ERAP1: variants seen among roughly 807,000 people sequenced by gnomAD.
ERAP1 encodes endoplasmic reticulum aminopeptidase 1, also known as adipocyte-derived leucine aminopeptidase.
A neutral mutation model predicts 103.7 loss-of-function variants in ERAP1; 86 were observed. The ratio of observed to expected loss-of-function variants is 0.83; its 90% CI spans 0.70 to 0.99. ERAP1 has a LOEUF of 0.99. Among genes scored for constraint, ERAP1 ranks in the 50% least tolerant of loss-of-function variants. The pLI is 0.00. For synonymous variants in ERAP1, 398 were observed against 402.4 expected (o/e 0.99, Z 0.13); for missense variants, 1,009 against 1,128.4 (o/e 0.89, Z 1.52).
the ERAP1 span, chr5:96,895,164 G>T: frequency 3.9e-6 from 3 of 770,744 alleles, no homozygotes; most frequent in South Asian, 3.5e-5. Flanking sequence ...TAAAAAAAAA[G>T]TTAGTAACTA....
the ERAP1 span, among the ~76,000 whole-genome samples, chr5:96,838,598 A>G: frequency 2.0e-5 from 3 of 150,644 alleles, no homozygotes; most frequent in Non-Finnish European, 4.4e-5. Flanking sequence ...ATTTCCTCCC[A>G]AAGTCCACTT....
chr5:96,898,532 A>T, the ERAP1 span, among the ~76,000 whole-genome samples: 5,938 of 146,978 alleles, frequency 0.04, 243 homozygotes, highest in East Asian at 0.13. Context: ...GCCTGAGGTC[A>T]GTCTGGCCAA....
In ERAP1 at chr5:96,775,794, AC is replaced by A. The variant is rs1335237530; in HGVS notation, c.*601del. 9 of 264,352 alleles carry A rather than the reference AC, an allele frequency of 3.4e-5. No homozygotes were observed. Among genetic ancestry groups the A allele is most frequent in the Admixed American group, 6.4e-5 (1 of 15,692 alleles). The allele number at this position is 264,352 out of a possible 1,614,324, so 16.4% of individuals were successfully genotyped here. A position where few individuals can be genotyped will look rare whatever the true frequency, so the allele number is the denominator to read the frequency against. On this transcript the variant is annotated 3_prime_UTR_variant, in exon 19 of 19. Coordinates refer to ENST00000443439, the MANE Select transcript of ERAP1 (RefSeq NM_001040458.3). ...CATCCCGCAAGGGAATCAGGGAAGA[AC>A]ACCTCCACCTACTACCTCCTCCGAC...
chr5:96,913,429 A>G, the ERAP1 span: 6 of 1,614,152 alleles, frequency 3.7e-6, no homozygotes, highest in South Asian at 5.5e-5. Flanking sequence ...GGATTTTGTA[A>G]GAGAAAATTG....
the ERAP1 span, among the ~76,000 whole-genome samples, chr5:96,892,996 A>G: frequency 6.6e-6 from 1 of 152,170 alleles, no homozygotes; most frequent in Non-Finnish European, 1.5e-5. Context: ...TGTTTCATAA[A>G]GCTGTTCTGA....
chr5:96,915,910 A>T, the ERAP1 span: 1 of 613,666 alleles, frequency 1.6e-6, no homozygotes. Context: ...TAGCAAGTAA[A>T]TGGAAGGGAC....
Position 96,780,465 on chromosome 5 carries a change from C to T in ERAP1, c.2628G>A (p.Met876Ile). The T allele has an allele frequency of 6.2e-7, 1 of 1,613,372 alleles. No individual in the cohort carries two copies. The highest frequency in any genetic ancestry group is 8.5e-7 in the Non-Finnish European group (1 of 1,179,746). ...LGSSSIAHMV[M>I]GTTNQFSTRT... ...TTGTGGAGAATTGATTTGTTGTACC[C>T]ATTACCATGTGGGCTATGGAAGATG... Residue 876 changes from methionine to isoleucine, a missense_variant, in exon 18 of 19, where the codon ATG becomes ATA. By Grantham distance (10) the Met-to-Ile change is conservative (BLOSUM62 1). Coordinates refer to ENST00000443439, the MANE Select transcript of ERAP1 (RefSeq NM_001040458.3).
At chr5:96,763,281 C>T (rs1768668290) in intron 19 of ERAP1, 1 of 780,372 alleles carries the variant, frequency 1.3e-6, no homozygotes, top group Middle Eastern at 2.3e-4. Flanking sequence ...CCCCGGGCAG[C>T]TCTACCATTA....
At chr5:96,918,139 C>T in the ERAP1 span, 1 of 152,208 alleles carries the variant, frequency 6.6e-6, no homozygotes, top group Non-Finnish European at 1.5e-5. Context: ...TGGGGGAAGG[C>T]CAGTTCAGTA....
At chr5:96,771,595 ACTTAATACAGAAAAGAAAG>A, downstream of ERAP1, 3 of 1,506,410 alleles carry the variant, frequency 2.0e-6, no homozygotes, top group Non-Finnish European at 2.8e-6. Context: ...ATCTCCTCAT[ACTTAATACAGAAAAGAAAG>A]CTCACGGATG....
the ERAP1 span, among the ~76,000 whole-genome samples, chr5:96,889,959 T>G: frequency 6.6e-6 from 1 of 152,140 alleles, no homozygotes; most frequent in East Asian, 1.9e-4. Context: ...CAAAAGTTTA[T>G]GTAGAGAGAG....
At chr5:96,868,208 G>A in the ERAP1 span, among the ~76,000 whole-genome samples, 2 of 152,268 alleles carry the variant, frequency 1.3e-5, no homozygotes, top group African/African-American at 2.4e-5. Flanking sequence ...CCCTCCATGT[G>A]CACAGAAGCC....
chr5:96,893,931 A>T, the ERAP1 span, among the ~76,000 whole-genome samples: 3 of 152,246 alleles, frequency 2.0e-5, no homozygotes, highest in Admixed American at 1.3e-4. Context: ...CTTTGCTCCT[A>T]CTACCTGATA....
At chr5:96,871,076 C>T in the ERAP1 span, among the ~76,000 whole-genome samples, 1 of 152,228 alleles carries the variant, frequency 6.6e-6, no homozygotes, top group Non-Finnish European at 1.5e-5. Context: ...CTCCCACACA[C>T]CGTTCGTCTC....
chr5:96,889,436 G>T, the ERAP1 span: 2 of 1,012,732 alleles, frequency 2.0e-6, no homozygotes, highest in Non-Finnish European at 3.1e-6. Flanking sequence ...AAAATAATTT[G>T]TTCCTCAGAG....
intron 1 of ERAP1, among the ~76,000 whole-genome samples, 164 bp downstream of exon 1, chr5:96,807,696 C>G (rs2151018327): frequency 6.6e-6 from 1 of 152,100 alleles, no homozygotes; most frequent in Non-Finnish European, 1.5e-5. Context: ...CTCCCGCGCC[C>G]CGTCGCCTTC....
the ERAP1 span, among the ~76,000 whole-genome samples, chr5:96,927,945 GC>G: frequency 2.0e-5 from 3 of 151,702 alleles, no homozygotes; most frequent in African/African-American, 7.3e-5. Context: ...TTGCTCTTTT[GC>G]CCAGGCTGGA....
the ERAP1 span, among the ~76,000 whole-genome samples, chr5:96,875,054 G>T: frequency 6.6e-6 from 1 of 152,210 alleles, no homozygotes; most frequent in Non-Finnish European, 1.5e-5. Flanking sequence ...ATCTTGAGCA[G>T]TGGGGGAGGC....
chr5:96,785,577 ATACAGATTCCTTCCTTCAAGTGCCTTAG>A, intron 13 of ERAP1, 183 bp downstream of exon 13: 3 of 585,956 alleles, frequency 5.1e-6, no homozygotes, highest in Non-Finnish European at 6.1e-6. Context: ...AAAGATTAAG[ATACAGATTCCTTCCTTCAAGTGCCTTAG>A]TAGTCACAGA....
Sources: gnomAD v4.1 joint callset for allele counts (sites outside exome capture counted in the v4.1 genomes callset) on GRCh38, gnomAD v4.1.1 for gene constraint, MANE v1.5 for transcripts, NCBI Gene and HGNC (gene_info 2026-07-23, HGNC 2026-07-21) for gene names.